Variants in KCNT1 observed in about 807,000 individuals in gnomAD.
KCNT1 encodes potassium channel subfamily T member 1.
Under a neutral mutation model 147.8 loss-of-function variants are expected in KCNT1, and 78 were observed. The observed-to-expected ratio is 0.53, with a 90% confidence interval of 0.44 to 0.64. KCNT1 has a LOEUF of 0.64. Among genes scored for constraint, KCNT1 ranks in the 30% least tolerant of loss-of-function variants. The pLI is 0.00. For missense variants in KCNT1, 1,419 were observed against 1,750.3 expected, an observed-to-expected ratio of 0.81 and a Z score of 3.38; for synonymous variants, 867 against 748.8, an observed-to-expected ratio of 1.16 and a Z score of -2.58.
In KCNT1 at chr9:135,759,667, C is replaced by T. The variant is rs1042693872; in HGVS notation, c.855-12C>T. On this transcript the variant is annotated splice_polypyrimidine_tract_variant and intron_variant, in intron 10 of 30. Transcript: ENST00000371757. ...TGGGCCCCAGGCCGCCCCTCACTGC[C>T]AGGGGTTGCAGGACCTGCGGCATCC... The T allele has an allele frequency of 3.8e-6, 6 of 1,591,590 alleles. No homozygotes were observed. The Admixed American group carries it at 6.9e-5, about 18-fold the overall frequency.
In KCNT1 at chr9:135,792,162, G is replaced by C. The variant is rs755682098; in HGVS notation, c.*1G>C. On this transcript the variant is annotated 3_prime_UTR_variant, in exon 31 of 31. Coordinates refer to ENST00000371757, the MANE Select transcript of KCNT1 (RefSeq NM_020822.3). ...GACTCGCGACGAGACACAGCTCTGA[G>C]CCAGCCCTGCACGGAGCTCAGGCCA... is the stretch of plus-strand genomic sequence containing the variant. The C allele has an allele frequency of 6.2e-7, 1 of 1,604,736 alleles. No individual in the cohort carries two copies. The highest frequency in any genetic ancestry group is 8.5e-7 in the Non-Finnish European group (1 of 1,179,490).
In KCNT1 at chr9:135,786,486, G is replaced by A. The variant is rs867696317; in HGVS notation, c.3467G>A (p.Arg1156His). 9 of 1,601,912 alleles carry A rather than the reference G, an allele frequency of 5.6e-6. No homozygotes were observed. Among genetic ancestry groups the A allele is most frequent in the East Asian group, 4.5e-5 (2 of 44,414 alleles). The change falls in exon 29 of 31, where the codon CGC becomes CAC. Residue 1156 changes from arginine to histidine, a missense_variant. Around this residue, in one of 5 missense-constraint regions of KCNT1, gnomAD observed 306 missense variants for 294.2 expected, o/e 1.04. Coordinates refer to ENST00000371757, the MANE Select transcript of KCNT1 (RefSeq NM_020822.3). Reference protein sequence around the residue: ...RQELSELVKNRMKHLGLPTTG... With the variant: ...RQELSELVKNHMKHLGLPTTG... ...GAGCTCTCCGAGCTGGTGAAGAACC[G>A]CATGAAGCACCTGGGGCTGCCCACC... is the stretch of plus-strand genomic sequence containing the variant.
chr9:135,748,161 C>T (rs752918411), intron 2 of KCNT1, among the ~76,000 whole-genome samples: 51 of 152,148 alleles, frequency 3.4e-4, no homozygotes, highest in Non-Finnish European at 2.2e-4. Context: ...CTCAAACTCC[C>T]GGCCTCAAGC....
chr9:135,775,244 G>C, intron 19 of KCNT1, 66 bp from the exon 20 acceptor site: 3 of 1,291,912 alleles, frequency 2.3e-6, no homozygotes, highest in Non-Finnish European at 3.2e-6. Context: ...CAGCCCGAGG[G>C]GGGCCCCAGA....
Position 135,783,955 on chromosome 9 carries a change from A to C in KCNT1, c.2842-69A>C, listed in dbSNP as rs10776848. On this transcript the variant is annotated intron_variant, in intron 24 of 30. Transcript: ENST00000371757. ...GTACGGTGCACACACAGTGCCCTCGACCCCGTGGCTGCCGTGCCACTGGAG... is the reference window on the plus strand; with the variant it reads ...GTACGGTGCACACACAGTGCCCTCGCCCCCGTGGCTGCCGTGCCACTGGAG... The C allele has an allele frequency of 0.23, 267,571 of 1,181,612 alleles. 31,997 individuals carry two copies. Among genetic ancestry groups the C allele is most frequent in the South Asian group, 0.25 (20,336 of 82,346 alleles). The allele number at this position is 1,181,612 out of a possible 1,614,324, so 73.2% of individuals were successfully genotyped here.
At position 135,758,522 on chromosome 9, in the gene KCNT1, G is replaced by A. The variant is rs367694801; in HGVS notation, c.854+14G>A. The A allele has an allele frequency of 2.4e-5, 39 of 1,606,738 alleles. No homozygotes were observed. Among genetic ancestry groups the A allele is most frequent in the South Asian group, 1.4e-4 (13 of 90,964 alleles). On this transcript the variant is annotated intron_variant, in intron 10 of 30. Coordinates refer to ENST00000371757, the MANE Select transcript of KCNT1 (RefSeq NM_020822.3). ...CGTTTTCACGGGGTGAGTGCCGGCCGTCAGTGTGAGCACCCCAGGACGTTG... is the reference window on the plus strand; with the variant it reads ...CGTTTTCACGGGGTGAGTGCCGGCCATCAGTGTGAGCACCCCAGGACGTTG...
At position 135,765,132 on chromosome 9, in the gene KCNT1, C is replaced by G; in HGVS notation, c.1137C>G (p.Ser379Arg). Reference sequence around the variant, plus strand: ...AGAAGCACGTGGTCCTGTGTGTCAGCTCCCTCAAGATCGACCTTCTCATGG... The same window carrying G: ...AGAAGCACGTGGTCCTGTGTGTCAGGTCCCTCAAGATCGACCTTCTCATGG... Reference protein sequence around the residue: ...QTEKHVVLCVSSLKIDLLMDF... With the variant: ...QTEKHVVLCVRSLKIDLLMDF... The change falls in exon 12 of 31, where the codon AGC (serine) becomes AGG (arginine). Residue 379 changes from serine (S) to arginine (R), a missense_variant. By Grantham distance (110) the Ser-to-Arg change is moderately radical (BLOSUM62 -1). Transcript: ENST00000371757. The G allele has an allele frequency of 6.2e-7, 1 of 1,613,584 alleles. No individual in the cohort carries two copies. Among genetic ancestry groups the G allele is most frequent in the Non-Finnish European group, 8.5e-7 (1 of 1,179,950 alleles).
intron 2 of KCNT1, among the ~76,000 whole-genome samples, chr9:135,728,903 G>A (rs138366390): frequency 3.2e-4 from 48 of 152,294 alleles, no homozygotes; most frequent in African/African-American, 1.1e-3. Flanking sequence ...ATCACACCAC[G>A]ATTGTCACGT....
chr9:135,733,270 C>T (rs1243652819), intron 2 of KCNT1, among the ~76,000 whole-genome samples: 1 of 110,612 alleles, frequency 9.0e-6, no homozygotes, highest in Non-Finnish European at 1.9e-5. Context: ...CACAACTGCC[C>T]TCACACCTGC....
chr9:135,741,476 T>C (rs1182183622), intron 2 of KCNT1, among the ~76,000 whole-genome samples: 2 of 152,224 alleles, frequency 1.3e-5, no homozygotes, highest in East Asian at 3.9e-4. Flanking sequence ...AGAGGGAAGC[T>C]GAGCCGGACA....
At chr9:135,785,286 A>G (rs375393777) in intron 27 of KCNT1, 24 bp from the exon 28 acceptor site, 103 of 1,612,434 alleles carry the variant, frequency 6.4e-5, no homozygotes, top group Admixed American at 2.0e-4. Context: ...CACAGGTCCC[A>G]GACTGCGCCT....
At position 135,779,356 on chromosome 9, in the gene KCNT1, C is replaced by A; in HGVS notation, c.2730-3C>A. The stretch of plus-strand genomic sequence containing the variant: ...CCCGCCCTGAGCCGCCTGCCTCCCC[C>A]AGGCTCTTCCCCAGCCTCAGCATCA... On this transcript the variant is annotated splice_polypyrimidine_tract_variant and splice_region_variant and intron_variant, in intron 23 of 30. Coordinates refer to ENST00000371757, the MANE Select transcript of KCNT1 (RefSeq NM_020822.3). The A allele has an allele frequency of 6.2e-7, 1 of 1,608,062 alleles. No homozygotes were observed. Among genetic ancestry groups the A allele is most frequent in the Non-Finnish European group, 8.5e-7 (1 of 1,174,982 alleles).
At chr9:135,715,085 C>T (rs1835670016) in intron 2 of KCNT1, among the ~76,000 whole-genome samples, 1 of 152,206 alleles carries the variant, frequency 6.6e-6, no homozygotes. Context: ...GGTGGCGGAG[C>T]CCGCAGCCTG....
At chr9:135,747,343 G>A (rs1296159837) in intron 2 of KCNT1, among the ~76,000 whole-genome samples, 1 of 151,924 alleles carries the variant, frequency 6.6e-6, no homozygotes, top group Admixed American at 6.5e-5. Context: ...ACAGTGGTAG[G>A]GAGGCGGGGA....
Position 135,770,059 on chromosome 9 carries a change from A to AGTGCCCCGTGCCCC in KCNT1, c.1619+6_1619+19dup. The stretch of plus-strand genomic sequence containing the variant: ...TGGTGCACACGTCCCGCGGCCAGTG[A>AGTGCCCCGTGCCCC]GTGCCCCGTGCCCCGGGGGACCGAC... On this transcript the variant is annotated splice_donor_region_variant and intron_variant, in intron 16 of 30. Coordinates refer to ENST00000371757, the MANE Select transcript of KCNT1 (RefSeq NM_020822.3). 1 of 1,548,158 alleles carries AGTGCCCCGTGCCCC rather than the reference A, an allele frequency of 6.5e-7. No homozygotes were observed. Among genetic ancestry groups the AGTGCCCCGTGCCCC allele is most frequent in the South Asian group, 1.2e-5 (1 of 83,988 alleles).
intron 11 of KCNT1, among the ~76,000 whole-genome samples, chr9:135,763,641 C>G (rs1244608397): frequency 6.6e-6 from 1 of 152,166 alleles, no homozygotes; most frequent in Non-Finnish European, 1.5e-5. Context: ...AAACCTCAGC[C>G]TCTGCCCCGT....
rs1318672168 is a variant in KCNT1, at chr9:135,757,531, C to G, written c.759+150C>G. On this transcript the variant is annotated intron_variant, in intron 9 of 30. Transcript: ENST00000371757. ...GAAGCCAGGGCAGCAGAAACTCTGT[C>G]TCTGCTCCTGGAAAACATCCAAGCC... The G allele has an allele frequency of 7.3e-6, 5 of 685,540 alleles. No individual in the cohort carries two copies. The Admixed American group carries it at 9.5e-5, about 13-fold the overall frequency. 42.5% of individuals were successfully genotyped at this position (685,540 alleles called of 1,614,324 possible).
At chr9:135,741,132 C>T (rs1335187584) in intron 2 of KCNT1, among the ~76,000 whole-genome samples, 1 of 152,220 alleles carries the variant, frequency 6.6e-6, no homozygotes, top group African/African-American at 2.4e-5. Context: ...TGTCCTGGGC[C>T]TCAGGCTGTG....
At chr9:135,710,290 T>C (rs1221643029) in intron 1 of KCNT1, among the ~76,000 whole-genome samples, 6 of 152,162 alleles carry the variant, frequency 3.9e-5, no homozygotes, top group Non-Finnish European at 8.8e-5. Context: ...CTAATCTTAT[T>C]TTATCCAACA....
Sources: gnomAD v4.1 joint callset for allele counts (sites outside exome capture counted in the v4.1 genomes callset) on GRCh38, gnomAD v4.1.1 for gene constraint, gnomAD v4.1.1 regional missense constraint, MANE v1.5 for transcripts, NCBI Gene and HGNC (gene_info 2026-07-23, HGNC 2026-07-21) for gene names.